Variants in KIF1B observed in about 807,000 individuals in gnomAD.
The protein encoded by KIF1B is kinesin-like protein KIF1B.
KIF1B carries 76 observed loss-of-function variants against 241.9 expected under a neutral mutation model. That is an observed-to-expected ratio of 0.31 (90% CI 0.26 to 0.38). The LOEUF (loss-of-function observed/expected upper bound fraction) is 0.38, where lower values mean the gene tolerates loss of function less well. Among genes scored for constraint, KIF1B ranks in the 10% least tolerant of loss-of-function variants. The pLI, the probability that KIF1B is intolerant of heterozygous loss-of-function variation, is 1.00. For synonymous variants in KIF1B, 750 were observed against 796.7 expected, an observed-to-expected ratio of 0.94 and a Z score of 0.99; for missense variants, 1,622 against 2,271.4, an observed-to-expected ratio of 0.71 and a Z score of 5.81.
chr1:10,255,351 AG>A (rs1387820764), intron 2 of KIF1B, among the ~76,000 whole-genome samples: 1 of 151,052 alleles, frequency 6.6e-6, no homozygotes, highest in Admixed American at 6.6e-5. Context: ...GCAGTTAGGG[AG>A]GCGGAGATGC....
At chr1:10,275,596 C>G in intron 11 of KIF1B, 93 bp downstream of exon 11, 1 of 812,426 alleles carries the variant, frequency 1.2e-6, no homozygotes, top group Admixed American at 1.7e-5. Flanking sequence ...GACAAATAAT[C>G]TCTAGATATT....
At chr1:10,215,752 C>T (rs187192924) in intron 1 of KIF1B, among the ~76,000 whole-genome samples, 86 of 151,964 alleles carry the variant, frequency 5.7e-4, no homozygotes, top group African/African-American at 2.0e-3. Context: ...CACTATATTG[C>T]CTATTGCCCA....
chr1:10,291,416 A>G (rs1041980956), intron 16 of KIF1B, among the ~76,000 whole-genome samples: 2 of 152,168 alleles, frequency 1.3e-5, no homozygotes, highest in African/African-American at 4.8e-5. Flanking sequence ...GATTCATAAA[A>G]ATGGAACATA....
At chr1:10,329,281 A>G (rs910466314) in intron 27 of KIF1B, among the ~76,000 whole-genome samples, 13 of 152,138 alleles carry the variant, frequency 8.5e-5, no homozygotes, top group African/African-American at 2.7e-4. Flanking sequence ...CCTTGACTAC[A>G]TTTCTCTTCT....
At chr1:10,283,172 A>G (rs1314964858) in intron 15 of KIF1B, among the ~76,000 whole-genome samples, 2 of 139,606 alleles carry the variant, frequency 1.4e-5, no homozygotes, top group Non-Finnish European at 3.0e-5. Flanking sequence ...GTGCCACTGC[A>G]TTCCAGCCTG....
At chr1:10,375,786 G>GTTTTTTTTTTTTTTTTTTT (rs201620952) in intron 48 of KIF1B, among the ~76,000 whole-genome samples, 1 of 69,566 alleles carries the variant, frequency 1.4e-5, no homozygotes, top group Non-Finnish European at 2.6e-5. Context: ...TTCTTTTCTT[G>GTTTTTTTTTTTTTTTTTTT]TTTTTTTTTT....
intron 15 of KIF1B, among the ~76,000 whole-genome samples, chr1:10,286,042 G>T (rs1460402035): frequency 6.6e-6 from 1 of 151,686 alleles, no homozygotes; most frequent in Non-Finnish European, 1.5e-5. Flanking sequence ...CCATTGTAAA[G>T]ATGTTTTTTT....
At chr1:10,224,806 A>G (rs1192043884) in intron 1 of KIF1B, among the ~76,000 whole-genome samples, 1 of 152,160 alleles carries the variant, frequency 6.6e-6, no homozygotes. Context: ...AAAAAAAATA[A>G]CTATTGTATT....
chr1:10,271,488 T>C lies in KIF1B; in HGVS notation c.721-14T>C. The C allele has an allele frequency of 1.9e-6, 3 of 1,596,614 alleles. No homozygotes were observed. Among genetic ancestry groups the C allele is most frequent in the African/African-American group, 1.3e-5 (1 of 74,706 alleles). On this transcript the variant is annotated splice_polypyrimidine_tract_variant and intron_variant, in intron 7 of 48. Coordinates refer to ENST00000676179, the MANE Select transcript of KIF1B (RefSeq NM_001365951.3). Reference sequence around the variant, plus strand: ...TTATTTTTGAATTGCCCCCATGTTATTGTTCTTTATCAGGTCAGTAAAATC... The same window carrying C: ...TTATTTTTGAATTGCCCCCATGTTACTGTTCTTTATCAGGTCAGTAAAATC...
chr1:10,306,517 A>C, intron 22 of KIF1B: 1 of 755,166 alleles, frequency 1.3e-6, no homozygotes, highest in Non-Finnish European at 1.7e-6. Flanking sequence ...AGGCTGAAGC[A>C]GGAGGATCCC....
At chr1:10,232,630 C>T (rs75006767) in intron 2 of KIF1B, among the ~76,000 whole-genome samples, 196 bp downstream of exon 2, 1 of 152,058 alleles carries the variant, frequency 6.6e-6, no homozygotes, top group African/African-American at 2.4e-5. Flanking sequence ...TTATTTTACC[C>T]TGTACAATTG....
intron 22 of KIF1B, chr1:10,307,359 C>G (rs1569785921): frequency 2.2e-6 from 2 of 892,862 alleles, no homozygotes; most frequent in Non-Finnish European, 2.7e-6. Flanking sequence ...GCCCAGGCTG[C>G]AGTGCAGTGG....
intron 7 of KIF1B, among the ~76,000 whole-genome samples, 154 bp downstream of exon 7, chr1:10,268,417 T>C (rs1324057287): frequency 3.9e-5 from 6 of 152,174 alleles, no homozygotes; most frequent in African/African-American, 1.4e-4. Context: ...ATCATTTTTC[T>C]TCCACCCTAC....
chr1:10,330,959 A>G (rs1349009704), intron 27 of KIF1B, among the ~76,000 whole-genome samples: 2 of 152,150 alleles, frequency 1.3e-5, no homozygotes, highest in Admixed American at 1.3e-4. Flanking sequence ...AGACCTGAAG[A>G]TGTGAAATCA....
At chr1:10,254,815 T>C (rs1420671246) in intron 2 of KIF1B, among the ~76,000 whole-genome samples, 1 of 136,578 alleles carries the variant, frequency 7.3e-6, no homozygotes, top group East Asian at 2.1e-4. Flanking sequence ...AGGTGGAGCT[T>C]GCAGTGAGCC....
intron 2 of KIF1B, among the ~76,000 whole-genome samples, chr1:10,252,851 G>A (rs1301909303): frequency 6.6e-6 from 1 of 151,870 alleles, no homozygotes. Context: ...AGCCTCCCGA[G>A]TAGCTGGGAT....
In KIF1B at chr1:10,359,179, T is replaced by A. The variant is rs564580918; in HGVS notation, c.4056-1750T>A. Among the ~76,000 whole-genome samples, 7 of 152,260 alleles carry A rather than the reference T, an allele frequency of 4.6e-5. No homozygotes were observed. The South Asian group carries it at 8.3e-4, about 18-fold the overall frequency. On this transcript the variant is annotated intron_variant, in intron 38 of 48. Coordinates refer to ENST00000676179, the MANE Select transcript of KIF1B (RefSeq NM_001365951.3). ...TTCTGGAGGAAGAAACATGGGGATGTGTTTAGAGGGAGGATATGCCAGCTA... is the reference window on the plus strand; with the variant it reads ...TTCTGGAGGAAGAAACATGGGGATGAGTTTAGAGGGAGGATATGCCAGCTA...
chr1:10,303,418 T>A lies in KIF1B; in HGVS notation c.2115+6172T>A. 1.2e-6 allele frequency: 2 copies of A among 1,614,228 alleles called. No homozygotes were observed. The highest frequency in any genetic ancestry group is 1.7e-6 in the Non-Finnish European group (2 of 1,180,036). ...AATTCAGGCTGTCAAAGAGATTTGCTATGAGGTTGCTCTCAATGACTTCAG... is the reference window on the plus strand; with the variant it reads ...AATTCAGGCTGTCAAAGAGATTTGCAATGAGGTTGCTCTCAATGACTTCAG... On this transcript the variant is annotated intron_variant, in intron 22 of 48. Coordinates refer to ENST00000676179, the MANE Select transcript of KIF1B (RefSeq NM_001365951.3). The surrounding 1 kb of genome is among the most constrained non-coding windows in gnomAD (Gnocchi z 5.2).
chr1:10,352,577 C>A, intron 37 of KIF1B, 54 bp from the exon 38 acceptor site: 1 of 1,444,406 alleles, frequency 6.9e-7, no homozygotes, highest in Non-Finnish European at 9.7e-7. Flanking sequence ...TTAATGAATT[C>A]ATGTTTTGTT....
Sources: allele counts gnomAD v4.1 joint callset (sites outside exome capture counted in the v4.1 genomes callset), GRCh38; gene constraint gnomAD v4.1.1; non-coding constraint Gnocchi (gnomAD v3.1); transcripts MANE v1.5; gene names NCBI Gene and HGNC (gene_info 2026-07-23, HGNC 2026-07-21).